Variants in MYO9A observed in about 807,000 individuals in gnomAD.
MYO9A encodes the protein unconventional myosin-IXa.
MYO9A carries 103 observed loss-of-function variants against 293.3 expected under a neutral mutation model. The observed-to-expected ratio is 0.35, with a 90% CI of 0.30 to 0.41. The LOEUF is 0.41. Among genes scored for constraint, MYO9A ranks in the 10% least tolerant of loss-of-function variants. MYO9A has a pLI of 1.00. For missense variants in MYO9A, 2,685 were observed against 3,033.0 expected (o/e 0.89, Z 2.69); for synonymous variants, 1,001 against 1,035.7 (o/e 0.97, Z 0.64).
intron 19 of MYO9A, among the ~76,000 whole-genome samples, chr15:71,915,988 C>T (rs1041122887): frequency 2.0e-5 from 3 of 152,062 alleles, no homozygotes; most frequent in Admixed American, 6.6e-5. Flanking sequence ...AACCTTCAGC[C>T]TCATTTAGTT....
At chr15:72,048,001 T>C (rs2078441672) in intron 1 of MYO9A, among the ~76,000 whole-genome samples, 1 of 151,734 alleles carries the variant, frequency 6.6e-6, no homozygotes, top group Non-Finnish European at 1.5e-5. Context: ...TATCCTCTCA[T>C]ACTACTACAT....
At chr15:71,928,027 A>ATATATATATATAT (rs2058360113) in intron 18 of MYO9A, among the ~76,000 whole-genome samples, 3 of 10,754 alleles carry the variant, frequency 2.8e-4, no homozygotes, top group South Asian at 5.0e-3. Flanking sequence ...ATACCTTTCT[A>ATATATATATATAT]ATATATATAT....
At chr15:71,902,447 G>C (rs761022265) in intron 22 of MYO9A, among the ~76,000 whole-genome samples, 1 of 151,972 alleles carries the variant, frequency 6.6e-6, no homozygotes, top group African/African-American at 2.4e-5. Context: ...ATGTAGATGA[G>C]AAGAGATAAG....
chr15:71,926,475 G>A (rs1434826062), intron 18 of MYO9A, among the ~76,000 whole-genome samples: 1 of 152,146 alleles, frequency 6.6e-6, no homozygotes, highest in Non-Finnish European at 1.5e-5. Flanking sequence ...TTGGGAGGCC[G>A]AGGCAGAAAG....
intron 13 of MYO9A, among the ~76,000 whole-genome samples, chr15:71,962,008 G>A (rs2075759532): frequency 6.6e-6 from 1 of 152,146 alleles, no homozygotes; most frequent in Non-Finnish European, 1.5e-5. Flanking sequence ...ACAGGTGTAA[G>A]CCATTGTGCC....
Position 72,038,350 on chromosome 15 carries a change from C to T in MYO9A, c.841-5762G>A, listed in dbSNP as rs368138612. ...AGTGTTATTTAACCTGGCCAAAATA[C>T]AGAATTCTTAAATGCACAAAAAATA... On this transcript the variant is annotated intron_variant, in intron 2 of 41. Coordinates refer to ENST00000356056, the MANE Select transcript of MYO9A (RefSeq NM_006901.4). Among the ~76,000 whole-genome samples the T allele has an allele frequency of 5.9e-4, 90 of 151,746 alleles. 1 individual carries two copies. The East Asian group carries it at 0.012, about 21-fold the overall frequency.
At chr15:72,100,918 TGGG>T (rs557887276) in intron 1 of MYO9A, among the ~76,000 whole-genome samples, 2 of 87,222 alleles carry the variant, frequency 2.3e-5, no homozygotes, top group African/African-American at 4.6e-5. Context: ...GGGAGGGAGG[TGGG>T]GGGGGTCAGC....
intron 15 of MYO9A, among the ~76,000 whole-genome samples, chr15:71,943,860 A>T (rs1567301182): frequency 6.6e-6 from 1 of 152,138 alleles, no homozygotes; most frequent in African/African-American, 2.4e-5. Flanking sequence ...GTGAATATAT[A>T]CTTTCATTTC....
At chr15:71,912,293 T>C (rs2057879401) in intron 19 of MYO9A, among the ~76,000 whole-genome samples, 2 of 152,248 alleles carry the variant, frequency 1.3e-5, no homozygotes, top group East Asian at 3.9e-4. Flanking sequence ...TCTCGCTCTT[T>C]TGTCCAGGCT....
chr15:71,888,392 A>C (rs2057081853), intron 26 of MYO9A: 2 of 203,374 alleles, frequency 9.8e-6, no homozygotes, highest in Non-Finnish European at 2.0e-5. Context: ...AGAAAGTGAA[A>C]ACCATTTAAA....
chr15:72,077,623 CGGCAGGGTGGT>C (rs1023717898), intron 1 of MYO9A, among the ~76,000 whole-genome samples: 2 of 150,158 alleles, frequency 1.3e-5, no homozygotes, highest in Admixed American at 6.7e-5. Context: ...ACCGGGGTGA[CGGCAGGGTGGT>C]GGCAGGGTGG....
chr15:71,883,087 A>G (rs1222665892), intron 28 of MYO9A, among the ~76,000 whole-genome samples: 1 of 152,138 alleles, frequency 6.6e-6, no homozygotes, highest in African/African-American at 2.4e-5. Context: ...TACAGGTGTG[A>G]ACCATCGTGC....
chr15:71,827,722 T>C (rs2054565100), intron 41 of MYO9A, among the ~76,000 whole-genome samples, 162 bp downstream of exon 41: 1 of 151,984 alleles, frequency 6.6e-6, no homozygotes, highest in Non-Finnish European at 1.5e-5. Flanking sequence ...TGCCAAACGA[T>C]GAAGGCTAAA....
At position 71,899,676 on chromosome 15, in the gene MYO9A, AT is replaced by A; in HGVS notation, c.3470+10del. 6.3e-7 allele frequency: 1 copy of A among 1,599,638 alleles called. No individual in the cohort carries two copies. Among genetic ancestry groups the A allele is most frequent in the Non-Finnish European group, 8.5e-7 (1 of 1,173,006 alleles). ...AAGAAAAAAAGCAATTATTATAGTA[AT>A]AGAGATTACCTTTGTCTTGCTCTGA... On this transcript the variant is annotated intron_variant, in intron 24 of 41. Coordinates refer to ENST00000356056, the MANE Select transcript of MYO9A (RefSeq NM_006901.4).
chr15:71,852,226 T>C lies in MYO9A; in HGVS notation c.6381A>G (p.Ile2127Met). ...GTTTGAATACACTTGCAATGACGTG[T>C]ATGTTATAGTCATCTAGATTTACAC... ...AESVNLDDYN[I>M]HVIASVFKQW... The change falls in exon 36 of 42, where the codon ATA (isoleucine) becomes ATG (methionine). Residue 2127 changes from isoleucine to methionine, a missense_variant. Ile to Met is a conservative substitution (Grantham distance 10). Transcript: ENST00000356056. 1 of 1,613,148 alleles carries C rather than the reference T, an allele frequency of 6.2e-7. No individual in the cohort carries two copies. Among genetic ancestry groups the C allele is most frequent in the Non-Finnish European group, 8.5e-7 (1 of 1,179,256 alleles).
At chr15:71,922,140 G>A (rs1342215123) in intron 18 of MYO9A, among the ~76,000 whole-genome samples, 1 of 152,116 alleles carries the variant, frequency 6.6e-6, no homozygotes, top group African/African-American at 2.4e-5. Context: ...ACCACGCCCA[G>A]CTAATTTTTT....
rs749296075 is a variant in MYO9A at position 71,893,066 on chromosome 15, C to A, written c.5142+613G>T. ...GAGAGAAGGGGCTCAATAATGTCAT[C>A]GTAATCATCTTCCTCTGTATCCCCC... On this transcript the variant is annotated intron_variant, in intron 26 of 41. Transcript: ENST00000356056. 3.7e-5 allele frequency: 48 copies of A among 1,289,832 alleles called. No individual in the cohort carries two copies. In the South Asian group the frequency reaches 5.9e-4, roughly 16 times the overall value. The allele number at this position is 1,289,832 out of a possible 1,614,324, so 79.9% of individuals were successfully genotyped here.
chr15:71,999,603 G>A (rs1596349112), intron 9 of MYO9A, among the ~76,000 whole-genome samples: 1 of 152,204 alleles, frequency 6.6e-6, no homozygotes, highest in African/African-American at 2.4e-5. Flanking sequence ...TTAGTAATAT[G>A]AAAATTGGAA....
At chr15:72,088,330 A>G (rs1286782586) in intron 1 of MYO9A, among the ~76,000 whole-genome samples, 1 of 152,198 alleles carries the variant, frequency 6.6e-6, no homozygotes, top group African/African-American at 2.4e-5. Context: ...GTCATTGCCC[A>G]AAAAGTGCAA....
Sources: allele counts gnomAD v4.1 joint callset (sites outside exome capture counted in the v4.1 genomes callset), GRCh38; gene constraint gnomAD v4.1.1; transcripts MANE v1.5; gene names NCBI Gene and HGNC (gene_info 2026-07-23, HGNC 2026-07-21).